Variants in PALM2AKAP2 observed in about 807,000 individuals in gnomAD.
PALM2AKAP2 encodes PALM2-AKAP2 fusion protein.
Under a neutral mutation model 71.5 loss-of-function variants are expected in PALM2AKAP2, and 37 were observed. The observed-to-expected ratio is 0.52, with a 90% CI of 0.40 to 0.68. The LOEUF is 0.68. Ranked by LOEUF, PALM2AKAP2 falls within the 30% of genes least tolerant of loss-of-function variation. The probability of loss-of-function intolerance (pLI) is 0.00; values close to 1 mark genes in which losing one functional copy is unlikely to be tolerated. For missense variants in PALM2AKAP2, 1,224 were observed against 1,191.8 expected, an observed-to-expected ratio of 1.03 and a Z score of -0.40; for synonymous variants, 468 against 478.8, an observed-to-expected ratio of 0.98 and a Z score of 0.29.
intron 1 of PALM2AKAP2, among the ~76,000 whole-genome samples, chr9:109,690,774 C>T (rs1350229059): frequency 6.6e-6 from 1 of 152,036 alleles, no homozygotes; most frequent in Non-Finnish European, 1.5e-5. Flanking sequence ...CACCCAGTAC[C>T]CTTGGGAACT....
intron 1 of PALM2AKAP2, among the ~76,000 whole-genome samples, chr9:110,066,759 A>G (rs1194160774): frequency 1.3e-5 from 2 of 151,838 alleles, no homozygotes; most frequent in East Asian, 1.9e-4. Flanking sequence ...AGAACTCAGT[A>G]CTAAAATATA....
chr9:109,874,889 A>G (rs1342137078), intron 2 of PALM2AKAP2, among the ~76,000 whole-genome samples: 1 of 152,188 alleles, frequency 6.6e-6, no homozygotes, highest in Non-Finnish European at 1.5e-5. Context: ...ATGTACCACC[A>G]TGCCTTTTGA....
At position 109,923,603 on chromosome 9, in the gene PALM2AKAP2, C is replaced by A. The variant is rs981789137; in HGVS notation, c.258-132C>A. The stretch of plus-strand genomic sequence containing the variant: ...GATGCTGTGTAATGTAAAACCTTGG[C>A]CTGGCTCCTCAGCGTAATGTAAAAC... On this transcript the variant is annotated intron_variant, in intron 3 of 9. Transcript: ENST00000302798. The A allele has an allele frequency of 1.2e-5, 11 of 913,542 alleles. No homozygotes were observed. In the Admixed American group the frequency reaches 3.3e-4, roughly 27 times the overall value. 56.6% of individuals were successfully genotyped at this position (913,542 alleles called of 1,614,324 possible). A position where few individuals can be genotyped will look rare whatever the true frequency, so the allele number is the denominator to read the frequency against.
intron 1 of PALM2AKAP2, among the ~76,000 whole-genome samples, chr9:109,667,142 T>C (rs557106374): frequency 3.9e-5 from 6 of 152,108 alleles, no homozygotes; most frequent in African/African-American, 1.4e-4. Flanking sequence ...CAATTGAAGA[T>C]TCATAGGCCC....
intron 1 of PALM2AKAP2, among the ~76,000 whole-genome samples, chr9:110,065,227 T>G (rs1291804654): frequency 1.3e-5 from 2 of 152,160 alleles, no homozygotes; most frequent in African/African-American, 4.8e-5. Flanking sequence ...TATTATTTAT[T>G]TATTTATCAT....
intron 1 of PALM2AKAP2, among the ~76,000 whole-genome samples, chr9:109,701,167 G>T (rs1489472671): frequency 1.1e-4 from 16 of 152,100 alleles, no homozygotes; most frequent in African/African-American, 3.9e-4. Context: ...CCTTGGGCAT[G>T]CCAAGGTAAT....
intron 6 of PALM2AKAP2, among the ~76,000 whole-genome samples, chr9:110,001,312 T>C (rs914978068): frequency 5.3e-5 from 8 of 152,216 alleles, no homozygotes; most frequent in African/African-American, 1.9e-4. Context: ...TTGTCAAAGA[T>C]CAGTTAGTTG....
At chr9:109,710,667 T>C (rs528630299) in intron 1 of PALM2AKAP2, among the ~76,000 whole-genome samples, 46 of 152,306 alleles carry the variant, frequency 3.0e-4, no homozygotes, top group African/African-American at 1.1e-3. Context: ...CAGTGCTTGG[T>C]TTCCCGTCTG....
At chr9:109,721,377 A>G (rs539731331) in intron 1 of PALM2AKAP2, among the ~76,000 whole-genome samples, 18 of 152,354 alleles carry the variant, frequency 1.2e-4, no homozygotes, top group Middle Eastern at 3.4e-3. Context: ...CAAAGCCTGC[A>G]GAGATCGCTT....
upstream of PALM2AKAP2, among the ~76,000 whole-genome samples, chr9:110,043,716 G>GTTTTTT (rs61128628): frequency 1.2e-3 from 113 of 91,562 alleles, 1 homozygote; most frequent in African/African-American, 3.7e-3. Flanking sequence ...TTTTTTTGGT[G>GTTTTTT]TTTTTTTTTT....
chr9:110,005,029 C>G (rs919831217), intron 6 of PALM2AKAP2, among the ~76,000 whole-genome samples: 5 of 152,222 alleles, frequency 3.3e-5, no homozygotes. Flanking sequence ...TCTCTCAACT[C>G]GTCAAAGTCA....
chr9:110,158,789 T>C (rs1564340423), intron 3 of PALM2AKAP2, among the ~76,000 whole-genome samples: 1 of 152,236 alleles, frequency 6.6e-6, no homozygotes, highest in South Asian at 2.1e-4. Context: ...TGCACTGTTA[T>C]TGCTATTACA....
chr9:109,697,487 CTG>C (rs1827988862), intron 1 of PALM2AKAP2, among the ~76,000 whole-genome samples: 1 of 152,042 alleles, frequency 6.6e-6, no homozygotes, highest in African/African-American at 2.4e-5. Flanking sequence ...AATAAATTAT[CTG>C]TTATATTATT....
chr9:109,990,339 C>G (rs184675081), intron 6 of PALM2AKAP2, among the ~76,000 whole-genome samples: 47 of 152,272 alleles, frequency 3.1e-4, no homozygotes, highest in Admixed American at 1.2e-3. Context: ...GGACTACAGG[C>G]GTGAGCCACC....
intron 1 of PALM2AKAP2, among the ~76,000 whole-genome samples, chr9:109,784,822 G>C (rs551262277): frequency 6.6e-6 from 1 of 152,254 alleles, no homozygotes; most frequent in South Asian, 2.1e-4. Context: ...CACTGTGCAG[G>C]TGGTCTCAGC....
chr9:109,674,077 GT>G (rs1179934014), intron 1 of PALM2AKAP2, among the ~76,000 whole-genome samples: 1 of 151,948 alleles, frequency 6.6e-6, no homozygotes, highest in Non-Finnish European at 1.5e-5. Flanking sequence ...TTTGAGTTCA[GT>G]GGTGTTTTTC....
chr9:109,873,442 AAAAATAAAAT>A (rs58267168), intron 2 of PALM2AKAP2, among the ~76,000 whole-genome samples: 18,315 of 142,828 alleles, frequency 0.13, 1,341 homozygotes, highest in Admixed American at 0.2. Flanking sequence ...TCTCAAATTA[AAAAATAAAAT>A]AAAATAAAAT....
chr9:109,718,118 T>C (rs540514988), intron 1 of PALM2AKAP2, among the ~76,000 whole-genome samples: 2 of 152,304 alleles, frequency 1.3e-5, no homozygotes, highest in East Asian at 3.9e-4. Context: ...TCTCATTCTG[T>C]CGCCCAGGCT....
At chr9:109,918,875 G>T (rs1026057049) in intron 3 of PALM2AKAP2, among the ~76,000 whole-genome samples, 1 of 152,178 alleles carries the variant, frequency 6.6e-6, no homozygotes, top group Admixed American at 6.5e-5. Context: ...TATCACAAAG[G>T]TTTCATTTCG....
Sources: allele counts gnomAD v4.1 joint callset (sites outside exome capture counted in the v4.1 genomes callset), GRCh38; gene constraint gnomAD v4.1.1; transcripts MANE v1.5; gene names NCBI Gene and HGNC (gene_info 2026-07-23, HGNC 2026-07-21).